AGT: variants seen among roughly 807,000 people sequenced by gnomAD.
AGT encodes the protein angiotensinogen, also known as alpha-1 antiproteinase, antitrypsin.
A neutral mutation model predicts 28.1 loss-of-function variants in AGT; 26 were observed. That is an observed-to-expected ratio of 0.92 (90% CI 0.68 to 1.28). The LOEUF (loss-of-function observed/expected upper bound fraction) is 1.28, where lower values mean the gene tolerates loss of function less well. Among genes scored for constraint, AGT ranks in the 50% most tolerant of loss-of-function variants. The probability of loss-of-function intolerance (pLI) is 0.00; values close to 1 mark genes in which losing one functional copy is unlikely to be tolerated. For synonymous variants in AGT, 259 were observed against 259.6 expected (o/e 1.00, Z 0.02); for missense variants, 596 against 592.3 (o/e 1.01, Z -0.06).
At chr1:230,705,087 CA>C (rs910202660) in intron 3 of AGT, among the ~76,000 whole-genome samples, 136 of 151,888 alleles carry the variant, frequency 9.0e-4, no homozygotes, top group African/African-American at 3.0e-3. Flanking sequence ...TTGCCGGGGC[CA>C]AGGGGAAGGG....
intron 1 of AGT, among the ~76,000 whole-genome samples, chr1:230,729,446 T>C (rs1664011145): frequency 6.6e-6 from 1 of 152,224 alleles, no homozygotes; most frequent in Admixed American, 6.5e-5. Context: ...TCTCCTCTCT[T>C]TCAAATGTAT....
intron 1 of AGT, among the ~76,000 whole-genome samples, chr1:230,725,950 G>T (rs189920781): frequency 3.5e-4 from 53 of 149,578 alleles, no homozygotes; most frequent in Non-Finnish European, 6.6e-4. Flanking sequence ...CACAACAACT[G>T]CTTTGCTCAC....
chr1:230,704,194 TC>T lies in AGT; in HGVS notation c.1240del (p.Glu414ArgfsTer3). The T allele has an allele frequency of 6.2e-7, 1 of 1,613,924 alleles. No individual in the cohort carries two copies. The highest frequency in any genetic ancestry group is 8.5e-7 in the Non-Finnish European group (1 of 1,179,988). On this transcript the variant is annotated frameshift_variant and splice_region_variant, in exon 4 of 5. Transcript: ENST00000366667. LOFTEE classifies it low-confidence loss of function (END_TRUNC). Reference sequence around the variant, plus strand: ...GCACAGACACAGGCTCACACATACCTCCCCCACCCTGATGCGGTCATTGCTC... The same window carrying T: ...GCACAGACACAGGCTCACACATACCTCCCCACCCTGATGCGGTCATTGCTC... ...KLSNDRIRVG[E>X]VLNSIFFELE... is the part of the protein sequence containing the mutation.
chr1:230,737,160 T>C (rs4259658), intron 1 of AGT, among the ~76,000 whole-genome samples: 11,579 of 152,126 alleles, frequency 0.076, 654 homozygotes, highest in East Asian at 0.14. Flanking sequence ...ATTTTCTGAG[T>C]TCCCCAAACC....
chr1:230,727,052 C>T (rs1663958016), intron 1 of AGT, among the ~76,000 whole-genome samples: 1 of 152,166 alleles, frequency 6.6e-6, no homozygotes, highest in Non-Finnish European at 1.5e-5. Flanking sequence ...CTGTTTTCTA[C>T]ACTGAGGATA....
chr1:230,707,803 G>A (rs1204722913), intron 2 of AGT, among the ~76,000 whole-genome samples: 1 of 152,150 alleles, frequency 6.6e-6, no homozygotes, highest in East Asian at 1.9e-4. Flanking sequence ...CCCTCTGCTC[G>A]TCTGACATGC....
chr1:230,715,449 G>C (rs11568018), upstream of AGT, among the ~76,000 whole-genome samples: 22,151 of 152,144 alleles, frequency 0.15, 1,760 homozygotes, highest in African/African-American at 0.21. Context: ...GGAGATGGAG[G>C]TTACAGTGAG....
Position 230,710,199 on chromosome 1 carries a change from G to T in AGT, c.625C>A (p.His209Asn), listed in dbSNP as rs1466735106. The T allele has an allele frequency of 1.9e-6, 3 of 1,613,754 alleles. No individual in the cohort carries two copies. Among genetic ancestry groups the T allele is most frequent in the South Asian group, 2.2e-5 (2 of 91,074 alleles). ...CCCTGCACAAACGGCTGCTTCAGGT[G>T]CAGGCCTGGGGCTGTGAACACGCCC... ...VVGVFTAPGL[H>N]LKQPFVQGLA... The change falls in exon 2 of 5, where the codon CAC becomes AAC. Residue 209 changes from histidine to asparagine, a missense_variant. His to Asn is a moderately conservative substitution (Grantham distance 68). Transcript: ENST00000366667.
Position 230,705,990 on chromosome 1 carries a change from A to G in AGT, c.1040T>C (p.Val347Ala). ...GTTTTGCTGGAAAGTGAGACCCTCC[A>G]CCTTGTCCAGGTCAGAGGCATAGTG... ...QPHYASDLDK[V>A]EGLTFQQNSL... The change falls in exon 3 of 5, where the codon GTG becomes GCG. Residue 347 changes from valine (V) to alanine (A), a missense_variant. Val to Ala is a moderately conservative substitution (Grantham distance 64). Coordinates refer to ENST00000366667, the MANE Select transcript of AGT (RefSeq NM_001384479.1). 1 of 1,614,142 alleles carries G rather than the reference A, an allele frequency of 6.2e-7. No individual in the cohort carries two copies.
At chr1:230,721,624 CA>C (rs1418091242) in intron 1 of AGT, among the ~76,000 whole-genome samples, 1 of 152,084 alleles carries the variant, frequency 6.6e-6, no homozygotes, top group Non-Finnish European at 1.5e-5. Context: ...TGGTTTTGAC[CA>C]AAATGTTGAT....
At chr1:230,722,589 G>T (rs968852880) in intron 1 of AGT, among the ~76,000 whole-genome samples, 2 of 152,250 alleles carry the variant, frequency 1.3e-5, no homozygotes, top group African/African-American at 2.4e-5. Flanking sequence ...AAGGCCATGG[G>T]ACCTTGCTGC....
At chr1:230,737,755 C>G (rs1028122683) in intron 1 of AGT, among the ~76,000 whole-genome samples, 1 of 152,182 alleles carries the variant, frequency 6.6e-6, no homozygotes, top group East Asian at 1.9e-4. Flanking sequence ...ACTGTACATA[C>G]AATTCACCTA....
At position 230,704,945 on chromosome 1, in the gene AGT, C is replaced by T. The variant is rs764125746; in HGVS notation, c.1098-608G>A. Among the ~76,000 whole-genome samples the T allele has an allele frequency of 1.1e-4, 16 of 152,324 alleles. No individual in the cohort carries two copies. In the Middle Eastern group the frequency reaches 0.014, roughly 130 times the overall value. ...GCAGCTCAAAGGTGGAAGCAACCCA[C>T]GTGTCCATCGATGGATGAGTGGATA... On this transcript the variant is annotated intron_variant, in intron 3 of 4. Transcript: ENST00000366667.
intron 3 of AGT, among the ~76,000 whole-genome samples, chr1:230,705,332 G>A (rs1663351682): frequency 6.6e-6 from 1 of 152,228 alleles, no homozygotes; most frequent in Non-Finnish European, 1.5e-5. Flanking sequence ...GTCACTCAAT[G>A]CCTGCCTCTG....
At chr1:230,731,747 A>C (rs1571986576) in intron 1 of AGT, among the ~76,000 whole-genome samples, 1 of 152,132 alleles carries the variant, frequency 6.6e-6, no homozygotes, top group East Asian at 1.9e-4. Context: ...CACACCTGTA[A>C]TCCCAGTTAC....
chr1:230,703,099 G>A lies in AGT; in HGVS notation c.*42C>T, dbSNP rs1228372147. On this transcript the variant is annotated 3_prime_UTR_variant, in exon 5 of 5. Coordinates refer to ENST00000366667, the MANE Select transcript of AGT (RefSeq NM_001384479.1). ...TGCTGGCCTTTGCCTCAAAGGCCAG[G>A]GGCAGAGGCCTTGCCAGGCACTGTG... 6.2e-7 allele frequency: 1 copy of A among 1,606,032 alleles called. No individual in the cohort carries two copies. The highest frequency in any genetic ancestry group is 8.5e-7 in the Non-Finnish European group (1 of 1,174,636).
chr1:230,736,587 A>G (rs1417704282), intron 1 of AGT, among the ~76,000 whole-genome samples: 1 of 152,218 alleles, frequency 6.6e-6, no homozygotes. Context: ...GCATGAACAC[A>G]GTTCTCAGAT....
At chr1:230,743,029 C>T (rs1023585095) in intron 1 of AGT, among the ~76,000 whole-genome samples, 2 of 152,138 alleles carry the variant, frequency 1.3e-5, no homozygotes, top group South Asian at 2.1e-4. Context: ...TCTCGCTCCT[C>T]GCCCAGGCTG....
At chr1:230,703,526 G>A (rs1362153029) in intron 4 of AGT, among the ~76,000 whole-genome samples, 197 bp from the exon 5 acceptor site, 1 of 151,314 alleles carries the variant, frequency 6.6e-6, no homozygotes, top group Non-Finnish European at 1.5e-5. Context: ...GTGTGTAGAT[G>A]ACCGTTAATT....
Sources: gnomAD v4.1 joint callset for allele counts (sites outside exome capture counted in the v4.1 genomes callset) on GRCh38, gnomAD v4.1.1 for gene constraint, MANE v1.5 for transcripts, NCBI Gene and HGNC (gene_info 2026-07-23, HGNC 2026-07-21) for gene names.